Variants in MYRIP observed in about 807,000 individuals in gnomAD.
MYRIP encodes the protein myosin VIIA and Rab interacting protein, also known as rab effector MyRIP.
A neutral mutation model predicts 98.0 loss-of-function variants in MYRIP; 49 were observed. The observed-to-expected ratio is 0.50, with a 90% CI of 0.40 to 0.63. The LOEUF (loss-of-function observed/expected upper bound fraction) is 0.63. MYRIP is among the 30% of genes least tolerant of loss of function. The probability of loss-of-function intolerance (pLI) is 0.00; values close to 1 mark genes in which losing one functional copy is unlikely to be tolerated. For synonymous variants in MYRIP, 404 were observed against 409.5 expected (o/e 0.99, Z 0.16); for missense variants, 1,004 against 1,058.2 (o/e 0.95, Z 0.71).
At chr3:39,863,217 A>C (rs545212119) in intron 1 of MYRIP, among the ~76,000 whole-genome samples, 1 of 152,288 alleles carries the variant, frequency 6.6e-6, no homozygotes, top group South Asian at 2.1e-4. Context: ...GAAGTATCTC[A>C]AATTAACAAG....
At chr3:39,825,886 T>C (rs1009339894) in intron 1 of MYRIP, among the ~76,000 whole-genome samples, 1 of 152,156 alleles carries the variant, frequency 6.6e-6, no homozygotes, top group African/African-American at 2.4e-5. Context: ...TCAGGTTGTC[T>C]ATTTCTTCTT....
chr3:40,079,135 T>C (rs1048439221), intron 3 of MYRIP, among the ~76,000 whole-genome samples: 2 of 152,198 alleles, frequency 1.3e-5, no homozygotes, highest in African/African-American at 2.4e-5. Flanking sequence ...TCAGTAGAGA[T>C]GAAGGGATTT....
In MYRIP at chr3:39,967,983, C is replaced by T. The variant is rs529839683; in HGVS notation, c.110+67057C>T. ...TTTTTTATATATTCTGGATATTAGA[C>T]GTCTGTCAGATGCATAGTTTGTAAA... On this transcript the variant is annotated intron_variant, in intron 2 of 16. Transcript: ENST00000302541. Among the ~76,000 whole-genome samples the T allele has an allele frequency of 1.1e-4, 17 of 152,198 alleles. No homozygotes were observed. In the South Asian group the frequency reaches 3.1e-3, roughly 28 times the overall value.
At chr3:40,207,953 G>GT (rs1463588270) in intron 10 of MYRIP, among the ~76,000 whole-genome samples, 1 of 152,088 alleles carries the variant, frequency 6.6e-6, no homozygotes, top group Non-Finnish European at 1.5e-5. Flanking sequence ...TTCTCTGTCA[G>GT]TTTTTGGAAT....
At chr3:40,154,979 T>C (rs906482525) in intron 4 of MYRIP, among the ~76,000 whole-genome samples, 2 of 152,100 alleles carry the variant, frequency 1.3e-5, no homozygotes, top group Admixed American at 6.5e-5. Context: ...AATTTTGTTT[T>C]TATTTTTATT....
At chr3:39,991,032 G>T (rs988474725) in intron 2 of MYRIP, among the ~76,000 whole-genome samples, 1 of 152,116 alleles carries the variant, frequency 6.6e-6, no homozygotes, top group African/African-American at 2.4e-5. Flanking sequence ...ATAACATTAG[G>T]AGAAATACCT....
chr3:39,901,360 A>G (rs959365946), intron 2 of MYRIP, among the ~76,000 whole-genome samples: 6 of 152,348 alleles, frequency 3.9e-5, no homozygotes, highest in African/African-American at 1.2e-4. Flanking sequence ...TTTGAAGATC[A>G]GATACAAGGA....
At chr3:39,810,068 T>C (rs1424213554) in intron 1 of MYRIP, among the ~76,000 whole-genome samples, 152 bp downstream of exon 1, 1 of 152,224 alleles carries the variant, frequency 6.6e-6, no homozygotes, top group African/African-American at 2.4e-5. Flanking sequence ...CCAGGAACCC[T>C]AGGCGCGGCC....
chr3:39,990,995 G>C (rs1367100362), intron 2 of MYRIP, among the ~76,000 whole-genome samples: 1 of 152,130 alleles, frequency 6.6e-6, no homozygotes, highest in African/African-American at 2.4e-5. Flanking sequence ...ACTGGGGCCT[G>C]TCGGGGAGTG....
intron 3 of MYRIP, among the ~76,000 whole-genome samples, chr3:40,073,367 G>A (rs1948270543): frequency 6.6e-6 from 1 of 152,186 alleles, no homozygotes; most frequent in Non-Finnish European, 1.5e-5. Flanking sequence ...TGCACTGCGG[G>A]TTTTTATTAT....
chr3:39,951,884 T>A (rs913188069), intron 2 of MYRIP, among the ~76,000 whole-genome samples: 1 of 152,176 alleles, frequency 6.6e-6, no homozygotes, highest in African/African-American at 2.4e-5. Flanking sequence ...ATGTTTTTCT[T>A]TTTAAACGCG....
At chr3:40,140,064 G>A (rs1949860214) in intron 3 of MYRIP, among the ~76,000 whole-genome samples, 2 of 152,180 alleles carry the variant, frequency 1.3e-5, no homozygotes, top group Non-Finnish European at 2.9e-5. Context: ...ATAGGGACTT[G>A]CAAACAGAAG....
chr3:39,857,806 A>G (rs1942350251), intron 1 of MYRIP, among the ~76,000 whole-genome samples: 1 of 152,336 alleles, frequency 6.6e-6, no homozygotes, highest in Admixed American at 6.5e-5. Flanking sequence ...TTAAATTGTT[A>G]TAAGCTTAAA....
At chr3:39,986,266 C>T (rs1410866823) in intron 2 of MYRIP, among the ~76,000 whole-genome samples, 4 of 152,194 alleles carry the variant, frequency 2.6e-5, no homozygotes, top group Admixed American at 6.5e-5. Flanking sequence ...GGGCCAGCCT[C>T]ATTCTGGTTA....
At chr3:40,227,192 T>C (rs887835437) in intron 11 of MYRIP, among the ~76,000 whole-genome samples, 1 of 152,198 alleles carries the variant, frequency 6.6e-6, no homozygotes, top group Non-Finnish European at 1.5e-5. Flanking sequence ...ATAGAGTGGA[T>C]GCTTCCAGAA....
intron 2 of MYRIP, among the ~76,000 whole-genome samples, chr3:39,921,381 A>C (rs777566740): frequency 6.6e-6 from 1 of 152,014 alleles, no homozygotes; most frequent in Non-Finnish European, 1.5e-5. Flanking sequence ...AGTGACAGGA[A>C]CTCTACTCCA....
At chr3:39,810,861 T>C (rs1017113440) in intron 1 of MYRIP, 1 of 152,334 alleles carries the variant, frequency 6.6e-6, no homozygotes, top group Non-Finnish European at 1.5e-5. Flanking sequence ...GCGAGTACGC[T>C]GTGGGCTTGG....
intron 3 of MYRIP, among the ~76,000 whole-genome samples, chr3:40,059,471 C>T (rs1178920921): frequency 1.3e-5 from 2 of 152,152 alleles, no homozygotes; most frequent in Non-Finnish European, 2.9e-5. Flanking sequence ...TAATGATCAC[C>T]ATTCTAACTG....
intron 3 of MYRIP, among the ~76,000 whole-genome samples, chr3:40,135,156 A>C (rs1262690330): frequency 6.6e-6 from 1 of 152,214 alleles, no homozygotes; most frequent in East Asian, 1.9e-4. Context: ...ATGAATAGAT[A>C]ACTAGAATAA....
Sources: allele counts gnomAD v4.1 joint callset (sites outside exome capture counted in the v4.1 genomes callset), GRCh38; gene constraint gnomAD v4.1.1; transcripts MANE v1.5; gene names NCBI Gene and HGNC (gene_info 2026-07-23, HGNC 2026-07-21).